Variants in BNC2 observed in about 807,000 individuals in gnomAD.
BNC2 encodes the protein zinc finger protein basonuclin-2.
In BNC2, 20 loss-of-function variants were observed where a neutral mutation model predicts 76.3. That is an observed-to-expected ratio of 0.26 (90% CI 0.18 to 0.38). The LOEUF is 0.38. BNC2 is among the 10% of genes least tolerant of loss of function. The pLI, the probability that BNC2 is intolerant of heterozygous loss-of-function variation, is 1.00. For synonymous variants in BNC2, 582 were observed against 514.8 expected, an observed-to-expected ratio of 1.13 and a Z score of -1.77; for missense variants, 1,382 against 1,399.8, an observed-to-expected ratio of 0.99 and a Z score of 0.20.
chr9:16,741,057 C>T (rs1824834058), intron 1 of BNC2, among the ~76,000 whole-genome samples: 1 of 152,088 alleles, frequency 6.6e-6, no homozygotes, highest in Non-Finnish European at 1.5e-5. Context: ...TAAATAACAG[C>T]TACATGAACA....
intron 1 of BNC2, among the ~76,000 whole-genome samples, chr9:16,843,262 T>C (rs1818879340): frequency 6.6e-6 from 1 of 152,226 alleles, no homozygotes; most frequent in African/African-American, 2.4e-5. Context: ...GGCAGGGTTA[T>C]AATTCTGTTT....
intron 3 of BNC2, among the ~76,000 whole-genome samples, chr9:16,677,578 A>AACAAACACAC (rs1554706101): frequency 2.2e-5 from 3 of 139,256 alleles, no homozygotes; most frequent in Non-Finnish European, 4.6e-5. Context: ...GTCTCAAACA[A>AACAAACACAC]ACACACACAC....
chr9:16,672,881 C>T (rs1822521212), intron 3 of BNC2, among the ~76,000 whole-genome samples: 1 of 152,104 alleles, frequency 6.6e-6, no homozygotes, highest in Admixed American at 6.5e-5. Flanking sequence ...AAACAAAGTT[C>T]TCATTTGGGG....
intron 3 of BNC2, among the ~76,000 whole-genome samples, chr9:16,655,988 T>C (rs922162014): frequency 3.3e-5 from 5 of 152,144 alleles, no homozygotes; most frequent in African/African-American, 1.2e-4. Flanking sequence ...AAGAGGCACA[T>C]ACAAGGCAGT....
At chr9:16,604,053 G>C (rs1345436538) in intron 3 of BNC2, among the ~76,000 whole-genome samples, 1 of 151,982 alleles carries the variant, frequency 6.6e-6, no homozygotes, top group East Asian at 1.9e-4. Flanking sequence ...AATAATAAAA[G>C]TCTAAATTTT....
intron 5 of BNC2, among the ~76,000 whole-genome samples, chr9:16,521,638 T>C (rs989302528): frequency 2.0e-5 from 3 of 152,130 alleles, no homozygotes; most frequent in African/African-American, 4.8e-5. Flanking sequence ...GCCTTTATGG[T>C]TTTTTGACAT....
At chr9:16,501,174 A>G (rs1043810605) in intron 5 of BNC2, among the ~76,000 whole-genome samples, 1 of 152,240 alleles carries the variant, frequency 6.6e-6, no homozygotes, top group African/African-American at 2.4e-5. Context: ...TTAAAATTAT[A>G]TATGTGCTCT....
chr9:16,605,015 T>A (rs1178874145), intron 3 of BNC2, among the ~76,000 whole-genome samples: 1 of 152,166 alleles, frequency 6.6e-6, no homozygotes, highest in African/African-American at 2.4e-5. Context: ...GAGCACCAAC[T>A]TTCTTAATGG....
intron 1 of BNC2, among the ~76,000 whole-genome samples, chr9:16,813,446 T>C (rs1818106255): frequency 1.3e-5 from 2 of 151,822 alleles, no homozygotes; most frequent in South Asian, 2.1e-4. Flanking sequence ...TTTGTATTTT[T>C]AGTAGAGACG....
At chr9:16,419,673 G>A in intron 6 of BNC2, 24 bp from the exon 7 acceptor site, 2 of 586,998 alleles carry the variant, frequency 3.4e-6, no homozygotes, top group South Asian at 1.4e-5. Context: ...AGGGAAGGGG[G>A]GGTACGTGGA....
chr9:16,811,385 T>C (rs562664904), intron 1 of BNC2, among the ~76,000 whole-genome samples: 9 of 150,708 alleles, frequency 6.0e-5, no homozygotes, highest in African/African-American at 2.0e-4. Context: ...ACCCCATCTC[T>C]ACTAAAAATA....
intron 2 of BNC2, among the ~76,000 whole-genome samples, chr9:16,732,168 G>GAAAA: frequency 3.2e-5 from 1 of 31,340 alleles, no homozygotes; most frequent in Non-Finnish European, 6.4e-5. Context: ...AAAAAAAAAA[G>GAAAA]AAAAAGAAAC....
At chr9:16,777,134 A>T (rs1039387670) in intron 1 of BNC2, among the ~76,000 whole-genome samples, 1 of 152,042 alleles carries the variant, frequency 6.6e-6, no homozygotes, top group Non-Finnish European at 1.5e-5. Flanking sequence ...CTCAAAAAAA[A>T]TAATTAATTA....
intron 1 of BNC2, among the ~76,000 whole-genome samples, chr9:16,859,786 C>T (rs368329090): frequency 1.3e-5 from 2 of 152,278 alleles, no homozygotes; most frequent in East Asian, 1.9e-4. Flanking sequence ...ATCTGCTGTA[C>T]GTTAAGTTAC....
At chr9:16,608,542 T>G (rs1400861962) in intron 3 of BNC2, among the ~76,000 whole-genome samples, 2 of 152,180 alleles carry the variant, frequency 1.3e-5, no homozygotes, top group Non-Finnish European at 2.9e-5. Context: ...ACTCTTGTTG[T>G]GTCACTCAGG....
At chr9:16,641,036 A>C (rs571642717) in intron 3 of BNC2, among the ~76,000 whole-genome samples, 1 of 152,354 alleles carries the variant, frequency 6.6e-6, no homozygotes, top group East Asian at 1.9e-4. Context: ...CCTCAGAACA[A>C]GACCTTAGAA....
chr9:16,422,343 A>G (rs1322322267), intron 6 of BNC2, among the ~76,000 whole-genome samples: 1 of 152,110 alleles, frequency 6.6e-6, no homozygotes, highest in Non-Finnish European at 1.5e-5. Context: ...ATTGACTTTT[A>G]TTCAATTAAG....
chr9:16,583,636 T>C (rs1819688218), intron 3 of BNC2, among the ~76,000 whole-genome samples: 1 of 152,222 alleles, frequency 6.6e-6, no homozygotes, highest in African/African-American at 2.4e-5. Flanking sequence ...AACATATTTC[T>C]ATTATTATTT....
intron 3 of BNC2, among the ~76,000 whole-genome samples, chr9:16,635,930 T>C (rs1182627287): frequency 6.6e-6 from 1 of 152,112 alleles, no homozygotes; most frequent in Admixed American, 6.6e-5. Context: ...ACAAAAGAGT[T>C]CCCAAAAAGT....
Sources: gnomAD v4.1 joint callset for allele counts (sites outside exome capture counted in the v4.1 genomes callset) on GRCh38, gnomAD v4.1.1 for gene constraint, MANE v1.5 for transcripts, NCBI Gene and HGNC (gene_info 2026-07-23, HGNC 2026-07-21) for gene names.